The following DPP10 variants were observed in gnomAD, a reference collection of about 807,000 sequenced individuals.
DPP10 encodes the protein dipeptidyl peptidase like 10.
In DPP10, 33 loss-of-function variants were observed where a neutral mutation model predicts 120.9. The ratio of observed to expected loss-of-function variants is 0.27; its 90% CI spans 0.21 to 0.37. The LOEUF (loss-of-function observed/expected upper bound fraction) is 0.37. Among genes scored for constraint, DPP10 ranks in the 10% least tolerant of loss-of-function variants. The pLI, the probability that DPP10 is intolerant of heterozygous loss-of-function variation, is 1.00. For synonymous variants in DPP10, 337 were observed against 326.1 expected (o/e 1.03, Z -0.36); for missense variants, 816 against 942.8 (o/e 0.87, Z 1.76).
At chr2:115,308,451 A>G (rs2061446261) in intron 1 of DPP10, among the ~76,000 whole-genome samples, 1 of 152,148 alleles carries the variant, frequency 6.6e-6, no homozygotes, top group Non-Finnish European at 1.5e-5. Flanking sequence ...GCTGACTTTC[A>G]TTTCAAATCA....
intron 1 of DPP10, among the ~76,000 whole-genome samples, chr2:115,084,606 T>C (rs1708544696): frequency 6.6e-6 from 1 of 152,194 alleles, no homozygotes; most frequent in Non-Finnish European, 1.5e-5. Flanking sequence ...TTGAAACATA[T>C]GGTGCTAGCT....
At chr2:114,525,586 G>T (rs1032041395) in intron 1 of DPP10, among the ~76,000 whole-genome samples, 2 of 152,158 alleles carry the variant, frequency 1.3e-5, no homozygotes, top group African/African-American at 4.8e-5. Flanking sequence ...TAGAAGTATT[G>T]TTCGAGATCG....
intron 1 of DPP10, among the ~76,000 whole-genome samples, chr2:114,522,192 G>C (rs1685125270): frequency 6.6e-6 from 1 of 150,862 alleles, no homozygotes; most frequent in Non-Finnish European, 1.5e-5. Flanking sequence ...CACCGTTTTA[G>C]CCGGGATGGT....
At chr2:114,581,495 A>G (rs181244736) in intron 1 of DPP10, among the ~76,000 whole-genome samples, 4 of 152,006 alleles carry the variant, frequency 2.6e-5, no homozygotes, top group Admixed American at 6.6e-5. Context: ...AATATAAAAC[A>G]TTATTTTCTA....
chr2:115,265,770 A>G (rs938910140), intron 1 of DPP10, among the ~76,000 whole-genome samples: 1 of 152,002 alleles, frequency 6.6e-6, no homozygotes, highest in Non-Finnish European at 1.5e-5. Context: ...AGTGCAGATA[A>G]TAAGTGCTGA....
chr2:114,935,609 T>C (rs571340265), intron 1 of DPP10, among the ~76,000 whole-genome samples: 1 of 152,270 alleles, frequency 6.6e-6, no homozygotes, highest in South Asian at 2.1e-4. Flanking sequence ...GTGGCTGCCT[T>C]TTAAAAAATA....
Position 115,447,099 on chromosome 2 carries a change from A to G in DPP10, c.272-52411A>G, listed in dbSNP as rs535098168. Among the ~76,000 whole-genome samples the G allele has an allele frequency of 3.9e-5, 6 of 152,304 alleles. No homozygotes were observed. The East Asian group carries it at 1.2e-3, about 30-fold the overall frequency. On this transcript the variant is annotated intron_variant, in intron 3 of 25. Transcript: ENST00000410059. ...CACAGTGGTGGATCTGCCCAAGGCCATGTGAATACACCATTTGCATTAGTG... is the reference window on the plus strand; with the variant it reads ...CACAGTGGTGGATCTGCCCAAGGCCGTGTGAATACACCATTTGCATTAGTG...
intron 3 of DPP10, among the ~76,000 whole-genome samples, chr2:115,489,276 A>G (rs903243732): frequency 6.6e-6 from 1 of 151,690 alleles, no homozygotes; most frequent in African/African-American, 2.4e-5. Flanking sequence ...GATTAGCCCA[A>G]TGCTGTAGTT....
At chr2:115,629,793 T>C (rs1394085122) in intron 5 of DPP10, among the ~76,000 whole-genome samples, 1 of 152,192 alleles carries the variant, frequency 6.6e-6, no homozygotes, top group Non-Finnish European at 1.5e-5. Flanking sequence ...CCATGCTGTT[T>C]TGGTTACTGT....
At chr2:114,946,149 A>T (rs936658420) in intron 1 of DPP10, among the ~76,000 whole-genome samples, 1 of 152,222 alleles carries the variant, frequency 6.6e-6, no homozygotes, top group Non-Finnish European at 1.5e-5. Flanking sequence ...GAACTTAGGT[A>T]TAAAACTAAG....
chr2:115,664,914 A>G (rs1194312404), intron 5 of DPP10, among the ~76,000 whole-genome samples: 2 of 132,446 alleles, frequency 1.5e-5, no homozygotes, highest in East Asian at 3.9e-4. Flanking sequence ...ATAAAATTAT[A>G]TATTCAGTCT....
At chr2:114,917,284 G>A (rs546749434) in intron 1 of DPP10, among the ~76,000 whole-genome samples, 1 of 152,062 alleles carries the variant, frequency 6.6e-6, no homozygotes, top group Non-Finnish European at 1.5e-5. Flanking sequence ...ATCTCTACAA[G>A]AAGAGTTACA....
chr2:115,701,728 G>A (rs955623576), intron 7 of DPP10, among the ~76,000 whole-genome samples: 1 of 151,952 alleles, frequency 6.6e-6, no homozygotes, highest in Non-Finnish European at 1.5e-5. Context: ...GAGGAATAAA[G>A]TATACAGGAG....
intron 1 of DPP10, among the ~76,000 whole-genome samples, chr2:114,518,941 GA>G (rs2104638337): frequency 6.6e-6 from 1 of 152,300 alleles, no homozygotes; most frequent in Non-Finnish European, 1.5e-5. Flanking sequence ...GCTCCCATCT[GA>G]GCCCTGAGCG....
intron 1 of DPP10, among the ~76,000 whole-genome samples, chr2:114,950,065 A>G (rs1697660163): frequency 1.3e-5 from 2 of 152,196 alleles, no homozygotes; most frequent in African/African-American, 4.8e-5. Context: ...TATGATTTTC[A>G]TATAGCTATA....
chr2:115,585,487 T>C (rs1167475294), intron 5 of DPP10, among the ~76,000 whole-genome samples: 1 of 152,252 alleles, frequency 6.6e-6, no homozygotes, highest in Non-Finnish European at 1.5e-5. Flanking sequence ...AACACTGCAG[T>C]TTCTTAAATG....
chr2:114,653,973 T>G (rs984537380), intron 1 of DPP10, among the ~76,000 whole-genome samples: 2 of 152,144 alleles, frequency 1.3e-5, no homozygotes, highest in African/African-American at 4.8e-5. Flanking sequence ...TCCATAGGCC[T>G]CCAGGGTTAT....
At chr2:115,183,920 A>G (rs942291970) in intron 1 of DPP10, among the ~76,000 whole-genome samples, 3 of 152,166 alleles carry the variant, frequency 2.0e-5, no homozygotes, top group Non-Finnish European at 4.4e-5. Flanking sequence ...GGGGCCTCTA[A>G]AAGTGTCCAT....
At chr2:115,697,959 CGA>C (rs1450018768) in intron 7 of DPP10, among the ~76,000 whole-genome samples, 1 of 152,006 alleles carries the variant, frequency 6.6e-6, no homozygotes, top group Non-Finnish European at 1.5e-5. Flanking sequence ...CCAGCTTGGG[CGA>C]GAGAGCGAGA....
Sources: gnomAD v4.1 joint callset for allele counts (sites outside exome capture counted in the v4.1 genomes callset) on GRCh38, gnomAD v4.1.1 for gene constraint, MANE v1.5 for transcripts, NCBI Gene and HGNC (gene_info 2026-07-23, HGNC 2026-07-21) for gene names.